The following TRUB1 variants were observed in gnomAD, a reference collection of about 807,000 sequenced individuals.
TRUB1 encodes pseudouridylate synthase TRUB1.
Under a neutral mutation model 33.9 loss-of-function variants are expected in TRUB1, and 23 were observed. That is an observed-to-expected ratio of 0.68 (90% CI 0.49 to 0.96). TRUB1 has a LOEUF of 0.96. Ranked by LOEUF, TRUB1 falls within the 40% of genes least tolerant of loss-of-function variation. The pLI, the probability that TRUB1 is intolerant of heterozygous loss-of-function variation, is 0.00. For missense variants in TRUB1, 378 were observed against 422.2 expected (o/e 0.90, Z 0.92); for synonymous variants, 163 against 165.4 (o/e 0.99, Z 0.11).
At chr10:114,948,571 G>T (rs1458440693) in intron 2 of TRUB1, among the ~76,000 whole-genome samples, 1 of 152,136 alleles carries the variant, frequency 6.6e-6, no homozygotes, top group Non-Finnish European at 1.5e-5. Flanking sequence ...AAAAGCTGCT[G>T]GTTGGCTAGG....
At chr10:114,965,016 G>C (rs943743420) in intron 4 of TRUB1, among the ~76,000 whole-genome samples, 1 of 147,020 alleles carries the variant, frequency 6.8e-6, no homozygotes, top group African/African-American at 2.5e-5. Flanking sequence ...TGCAAGCTCC[G>C]CCTCCCGGGT....
intron 4 of TRUB1, among the ~76,000 whole-genome samples, chr10:114,966,177 A>G (rs938903461): frequency 6.6e-6 from 1 of 152,196 alleles, no homozygotes; most frequent in African/African-American, 2.4e-5. Context: ...TAATTTTTGA[A>G]TATGATTTCA....
At chr10:114,938,634 A>AGGAG in intron 1 of TRUB1, 95 bp downstream of exon 1, 1 of 1,308,042 alleles carries the variant, frequency 7.6e-7, no homozygotes, top group South Asian at 1.6e-5. Context: ...AAGAGACAAA[A>AGGAG]GGAGGGGAAA....
Position 114,955,259 on chromosome 10 carries a change from C to A in TRUB1, c.441+4110C>A, listed in dbSNP as rs1006316362. 1.2e-4 allele frequency among the ~76,000 whole-genome samples: 18 copies of A among 152,174 alleles called. 1 individual carries two copies. Among genetic ancestry groups the A allele is most frequent in the Admixed American group, 5.9e-4 (9 of 15,278 alleles). ...TTATATCTTCCCTAAATTACACTTT[C>A]TTTGAGCCAGTCATTCAGCAAAAGC... is the stretch of plus-strand genomic sequence containing the variant. On this transcript the variant is annotated intron_variant, in intron 3 of 7. Coordinates refer to ENST00000298746, the MANE Select transcript of TRUB1 (RefSeq NM_139169.5).
rs149298330 is a variant in TRUB1 at position 114,975,141 on chromosome 10, A to G, written c.812A>G (p.Asn271Ser). The G allele has an allele frequency of 4.0e-5, 64 of 1,610,634 alleles. No individual in the cohort carries two copies. Among genetic ancestry groups the G allele is most frequent in the Middle Eastern group, 1.7e-4 (1 of 6,052 alleles). Residue 271 changes from asparagine (N) to serine (S), a missense_variant, in exon 8 of 8, where the codon AAT (asparagine) becomes AGT (serine). Transcript: ENST00000298746. ...DIGKELSSCA[N>S]VLELTRTKQG... The stretch of plus-strand genomic sequence containing the variant: ...GCCATAGAACTATCTTCCTGTGCCA[A>G]TGTGCTAGAGCTGACCCGAACCAAA...
intron 4 of TRUB1, among the ~76,000 whole-genome samples, chr10:114,961,075 A>G (rs1262990995): frequency 6.6e-6 from 1 of 152,134 alleles, no homozygotes; most frequent in Non-Finnish European, 1.5e-5. Context: ...GCCCTTATCT[A>G]GCTGCGCAAA....
At position 114,940,464 on chromosome 10, in the gene TRUB1, G is replaced by GACA. The variant is rs150878169; in HGVS notation, c.286+1928_286+1930dup. ...ATACCTACATTCTAATGCCATGTTT[G>GACA]ACAACCATGATCAGTGGTTGTGTCC... On this transcript the variant is annotated intron_variant, in intron 1 of 7. Transcript: ENST00000298746. Among the ~76,000 whole-genome samples, 53 of 152,264 alleles carry GACA rather than the reference G, an allele frequency of 3.5e-4. No individual in the cohort carries two copies. In the East Asian group the frequency reaches 0.01, roughly 29 times the overall value.
chr10:114,973,883 G>T (rs1014450393), intron 6 of TRUB1, among the ~76,000 whole-genome samples: 13 of 152,014 alleles, frequency 8.6e-5, no homozygotes, highest in Admixed American at 8.5e-4. Context: ...TATTTTTTTT[G>T]AATGTACAAG....
intron 3 of TRUB1, among the ~76,000 whole-genome samples, chr10:114,952,209 C>T (rs989041201): frequency 5.9e-5 from 9 of 152,130 alleles, no homozygotes; most frequent in African/African-American, 7.2e-5. Context: ...AAGGCCGAGG[C>T]GGGCAGATCA....
chr10:114,943,333 G>A (rs1194303345), intron 2 of TRUB1, among the ~76,000 whole-genome samples: 1 of 152,032 alleles, frequency 6.6e-6, no homozygotes, highest in African/African-American at 2.4e-5. Flanking sequence ...AATTCGAGAC[G>A]AGCCTGACCA....
chr10:114,961,665 A>C (rs1470530980), intron 4 of TRUB1, among the ~76,000 whole-genome samples: 1 of 152,212 alleles, frequency 6.6e-6, no homozygotes, highest in Admixed American at 6.5e-5. Flanking sequence ...AGCTTCCTAC[A>C]GTTTATTGAA....
intron 4 of TRUB1, among the ~76,000 whole-genome samples, chr10:114,964,936 T>G (rs1413443731): frequency 3.3e-5 from 5 of 149,586 alleles, no homozygotes; most frequent in African/African-American, 1.2e-4. Context: ...ATAGGTTTTT[T>G]TTTTTTTTTT....
intron 4 of TRUB1, 144 bp from the exon 5 acceptor site, chr10:114,970,224 G>A: frequency 1.9e-6 from 1 of 532,368 alleles, no homozygotes; most frequent in Non-Finnish European, 3.3e-6. Flanking sequence ...TTTTTAACAA[G>A]GTAGAATTTT....
intron 5 of TRUB1, among the ~76,000 whole-genome samples, chr10:114,971,681 G>A (rs200467281): frequency 1.3e-5 from 2 of 152,084 alleles, no homozygotes; most frequent in East Asian, 3.8e-4. Flanking sequence ...TAGGTTATTT[G>A]CTTATTAGCT....
rs537738899 is a variant in TRUB1, at chr10:114,972,452, A to G, written c.736+178A>G. Among the ~76,000 whole-genome samples the G allele has an allele frequency of 2.0e-5, 3 of 152,302 alleles. No individual in the cohort carries two copies. The East Asian group carries it at 5.8e-4, about 29-fold the overall frequency. ...GTAACACATTTAATGAGATACCTGT[A>G]GCTATATGGAGGTTCAGAAATGCGT... is the stretch of plus-strand genomic sequence containing the variant. On this transcript the variant is annotated intron_variant, in intron 6 of 7. Transcript: ENST00000298746.
At position 114,938,311 on chromosome 10, in the gene TRUB1, CCT is replaced by C. The variant is rs752785055; in HGVS notation, c.59_60del (p.Pro20ArgfsTer3). ...GCCGTCTTTGAAAACAGACACATCC[CCT>C]GTCCTTGAAACTGCAGGAACGGTCG... is the stretch of plus-strand genomic sequence containing the variant. ...SSPSLKTDTS[P>X]VLETAGTVAA... On this transcript the variant is annotated frameshift_variant, in exon 1 of 8. Coordinates refer to ENST00000298746, the MANE Select transcript of TRUB1 (RefSeq NM_139169.5). LOFTEE classifies it high-confidence loss of function. 4.3e-6 allele frequency: 7 copies of C among 1,614,074 alleles called. No homozygotes were observed. The Admixed American group carries it at 8.3e-5, about 19-fold the overall frequency.
At chr10:114,938,631 A>G (rs548999488) in intron 1 of TRUB1, 92 bp downstream of exon 1, 10 of 1,344,338 alleles carry the variant, frequency 7.4e-6, no homozygotes, top group East Asian at 5.0e-5. Flanking sequence ...TTCAAGAGAC[A>G]AAAGGAGGGG....
chr10:114,969,121 CT>C (rs71473075), intron 4 of TRUB1, among the ~76,000 whole-genome samples: 468 of 135,506 alleles, frequency 3.5e-3, no homozygotes, highest in Middle Eastern at 7.9e-3. Flanking sequence ...TATTTTTTGT[CT>C]TTTTTTTTTT....
At chr10:114,974,298 G>A (rs777988759) in intron 6 of TRUB1, 31 bp from the exon 7 acceptor site, 5 of 1,580,426 alleles carry the variant, frequency 3.2e-6, no homozygotes, top group Admixed American at 1.7e-5. Flanking sequence ...TAGGAGGTTA[G>A]CAATTTACTA....
Sources: allele counts gnomAD v4.1 joint callset (sites outside exome capture counted in the v4.1 genomes callset), GRCh38; gene constraint gnomAD v4.1.1; transcripts MANE v1.5; gene names NCBI Gene and HGNC (gene_info 2026-07-23, HGNC 2026-07-21).